The following TEP1 variants were observed in gnomAD, a reference collection of about 807,000 sequenced individuals.
TEP1 encodes telomerase protein component 1.
A neutral mutation model predicts 306.3 loss-of-function variants in TEP1; 241 were observed. The ratio of observed to expected loss-of-function variants is 0.79; its 90% CI spans 0.71 to 0.88. The LOEUF (loss-of-function observed/expected upper bound fraction) is 0.88. TEP1 is among the 40% of genes least tolerant of loss of function. The pLI is 0.00. For missense variants in TEP1, 3,051 were observed against 3,276.1 expected, an observed-to-expected ratio of 0.93 and a Z score of 1.68; for synonymous variants, 1,289 against 1,305.5, an observed-to-expected ratio of 0.99 and a Z score of 0.27.
At position 20,384,093 on chromosome 14, in the gene TEP1, T is replaced by C. The variant is rs762436649; in HGVS notation, c.3479A>G (p.His1160Arg). 6.2e-7 allele frequency: 1 copy of C among 1,613,842 alleles called. No homozygotes were observed. Among genetic ancestry groups the C allele is most frequent in the South Asian group, 1.1e-5 (1 of 91,070 alleles). ...QDTVQRLMLP[H>R]GRLSLVTGQS... ...CCCCGTCACCAGGCTCAGCCTTCCG[T>C]GGGGCAGCATCAGCCGTTGCACTGT... Residue 1160 changes from histidine to arginine, a missense_variant, in exon 24 of 55, where the codon CAC becomes CGC. His to Arg is a conservative substitution (Grantham distance 29). Transcript: ENST00000262715.
intron 41 of TEP1, 137 bp downstream of exon 41, chr14:20,377,143 A>G: frequency 1.5e-6 from 1 of 671,428 alleles, no homozygotes; most frequent in East Asian, 2.8e-5. Context: ...TGAACCCAGG[A>G]GGCAGAAGTT....
At chr14:20,401,236 C>T (rs559092923) in intron 8 of TEP1, 95 bp from the exon 9 acceptor site, 2 of 1,449,940 alleles carry the variant, frequency 1.4e-6, no homozygotes, top group Admixed American at 2.4e-5. Flanking sequence ...GGCATGTCTG[C>T]CCAAATATGC....
At chr14:20,390,600 C>T in intron 15 of TEP1, 81 bp downstream of exon 15, 1 of 1,414,980 alleles carries the variant, frequency 7.1e-7, no homozygotes, top group Non-Finnish European at 1.0e-6. Context: ...GAAGTCAGCT[C>T]TAAAGGTCAA....
intron 1 of TEP1, among the ~76,000 whole-genome samples, chr14:20,409,773 C>T (rs1317812373): frequency 6.6e-6 from 1 of 152,052 alleles, no homozygotes; most frequent in Admixed American, 6.5e-5. Context: ...GTAATCCCAG[C>T]ACTTTGGGAG....
intron 17 of TEP1, 63 bp downstream of exon 17, chr14:20,389,175 A>T: frequency 6.9e-7 from 1 of 1,443,406 alleles, no homozygotes; most frequent in Admixed American, 1.7e-5. Flanking sequence ...ACTGGAGTAG[A>T]GATAATCTCC....
intron 2 of TEP1, 141 bp from the exon 3 acceptor site, chr14:20,406,541 C>T: frequency 3.6e-6 from 3 of 842,110 alleles, no homozygotes; most frequent in Non-Finnish European, 5.7e-6. Context: ...CCTTCACACA[C>T]CAGCACTGAT....
rs1325262616 is a variant in TEP1, at chr14:20,404,701, G to C, written c.942C>G (p.Phe314Leu). ...VANNILAIAA[F>L]LPACRPHLRR... The stretch of plus-strand genomic sequence containing the variant: ...GCAGGTGGGGGCGACACGCCGGCAA[G>C]AAAGCAGCAATGGCCAAGATGTTAT... Residue 314 changes from phenylalanine to leucine, a missense_variant, in exon 5 of 55, where the codon TTC becomes TTG. Physicochemically the swap from Phe to Leu is conservative, Grantham distance 22 (BLOSUM62 0). Around this residue, in one of 3 missense-constraint regions of TEP1, gnomAD observed 1,507 missense variants for 1,550.5 expected, o/e 0.97. Coordinates refer to ENST00000262715, the MANE Select transcript of TEP1 (RefSeq NM_007110.5). 1 of 1,614,100 alleles carries C rather than the reference G, an allele frequency of 6.2e-7. No individual in the cohort carries two copies. The highest frequency in any genetic ancestry group is 1.3e-5 in the African/African-American group (1 of 74,958).
intron 47 of TEP1, 36 bp from the exon 48 acceptor site, chr14:20,373,183 G>T (rs1884958781): frequency 3.7e-6 from 6 of 1,613,792 alleles, no homozygotes; most frequent in Non-Finnish European, 5.1e-6. Flanking sequence ...TAGGAGCTGG[G>T]ATACTGCTGG....
In TEP1 at chr14:20,378,456, T is replaced by C; in HGVS notation, c.5432A>G (p.Glu1811Gly). ...KSLNCVAFHP[E>G]GQVIATGSWA... The stretch of plus-strand genomic sequence containing the variant: ...GCTGCCTGTGGCTATTACCTGCCCC[T>C]CTGGGTGGAAGGCAACACAGTTCAG... The change falls in exon 38 of 55, where the codon GAG becomes GGG. Residue 1811 changes from glutamate (E) to glycine (G), a missense_variant. Coordinates refer to ENST00000262715, the MANE Select transcript of TEP1 (RefSeq NM_007110.5). 1.2e-6 allele frequency: 2 copies of C among 1,614,134 alleles called. No homozygotes were observed. The highest frequency in any genetic ancestry group is 2.2e-5 in the East Asian group (1 of 44,884).
chr14:20,381,079 G>C lies in TEP1; in HGVS notation c.4648-34C>G, dbSNP rs746880272. The C allele has an allele frequency of 1.3e-6, 2 of 1,560,618 alleles. No homozygotes were observed. The highest frequency in any genetic ancestry group is 1.8e-6 in the Non-Finnish European group (2 of 1,131,574). On this transcript the variant is annotated intron_variant, in intron 32 of 54. Coordinates refer to ENST00000262715, the MANE Select transcript of TEP1 (RefSeq NM_007110.5). This position sits in a 1 kb window ranked among gnomAD's most constrained non-coding sequence, Gnocchi z 4.0. ...GTCAGATTGAATTCATTAGGGATAT[G>C]AAGGGGCTGGTGAGAAGGGACAGTT...
chr14:20,391,992 G>A (rs183461821), intron 12 of TEP1, among the ~76,000 whole-genome samples: 45 of 152,224 alleles, frequency 3.0e-4, no homozygotes, highest in African/African-American at 1.0e-3. Context: ...GGTAGGAGAG[G>A]GGAAGTCACC....
At position 20,382,129 on chromosome 14, in the gene TEP1, G is replaced by A. The variant is rs1594338274; in HGVS notation, c.4274-66C>T. 13 of 1,610,656 alleles carry A rather than the reference G, an allele frequency of 8.1e-6. No homozygotes were observed. In the East Asian group the frequency reaches 2.9e-4, roughly 36 times the overall value. On this transcript the variant is annotated intron_variant, in intron 29 of 54. Transcript: ENST00000262715. ...GGTGTCCCCGCCCCCACCACACCCA[G>A]TCTCTCCTTGAACTGCCTGCTGAGA...
At position 20,379,095 on chromosome 14, in the gene TEP1, G is replaced by A. The variant is rs776112016; in HGVS notation, c.5138C>T (p.Ser1713Phe). The part of the protein sequence containing the change: ...LDLRTWQEEK[S>F]VVSGCDGISA... The stretch of plus-strand genomic sequence containing the variant: ...GATTCCATCACAGCCACTCACCACA[G>A]ACTTCTCCTCCTGCGACAGTGGGTG... Residue 1713 changes from serine (S) to phenylalanine (F), a missense_variant, in exon 36 of 55, where the codon TCT (serine) becomes TTT (phenylalanine). Ser to Phe is a radical substitution (Grantham distance 155, BLOSUM62 -2). Around this residue, in one of 3 missense-constraint regions of TEP1, gnomAD observed 1,540 missense variants for 1,705.9 expected, o/e 0.90. Coordinates refer to ENST00000262715, the MANE Select transcript of TEP1 (RefSeq NM_007110.5). The A allele has an allele frequency of 6.2e-7, 1 of 1,614,132 alleles. No homozygotes were observed. The highest frequency in any genetic ancestry group is 2.2e-5 in the East Asian group (1 of 44,878).
rs61996763 is a variant in TEP1, at chr14:20,386,189, C to T, written c.2868G>A (p.Leu956=). The T allele has an allele frequency of 1.2e-6, 2 of 1,614,000 alleles. No homozygotes were observed. The highest frequency in any genetic ancestry group is 2.2e-5 in the South Asian group (2 of 91,042). ...TEEETRRNRQ[L]EVCLGEVENA... The stretch of plus-strand genomic sequence containing the variant: ...TCTCCACCTCCCCAAGGCACACTTC[C>T]AGTTGTCTGTAGGCATGATGATAGG... Residue 956 remains leucine (L), a synonymous_variant, in exon 20 of 55, where the codon CTG becomes CTA. Coordinates refer to ENST00000262715, the MANE Select transcript of TEP1 (RefSeq NM_007110.5).
At chr14:20,404,577 T>C (rs1566482397) in intron 5 of TEP1, 34 bp downstream of exon 5, 1 of 1,590,598 alleles carries the variant, frequency 6.3e-7, no homozygotes, top group Admixed American at 1.8e-5. Context: ...AGGAATGAAG[T>C]GAAGGCCCAA....
chr14:20,375,835 T>G lies in TEP1; in HGVS notation c.6283A>C (p.Thr2095Pro), dbSNP rs548373439. Residue 2095 changes from threonine (T) to proline (P), a missense_variant, in exon 43 of 55, where the codon ACC (threonine) becomes CCC (proline). Physicochemically the swap from Thr to Pro is conservative, Grantham distance 38. Coordinates refer to ENST00000262715, the MANE Select transcript of TEP1 (RefSeq NM_007110.5). ...LLCWDVRTPK[T>P]PVLIHSFPAC... ...GGGAAGGAGTGGATCAAAACAGGGG[T>G]TTTGGGTGTCCTCACGTCCCAGCAG... 1 of 1,612,680 alleles carries G rather than the reference T, an allele frequency of 6.2e-7. No homozygotes were observed. Among genetic ancestry groups the G allele is most frequent in the Non-Finnish European group, 8.5e-7 (1 of 1,179,600 alleles).
At position 20,382,076 on chromosome 14, in the gene TEP1, G is replaced by A; in HGVS notation, c.4274-13C>T. 1 of 1,613,850 alleles carries A rather than the reference G, an allele frequency of 6.2e-7. No individual in the cohort carries two copies. The highest frequency in any genetic ancestry group is 8.5e-7 in the Non-Finnish European group (1 of 1,179,870). ...TCCACAGTCAAACCTGAAAACTCAA[G>A]CTCTCTGAGGCCCTCATCTAACCAT... On this transcript the variant is annotated splice_polypyrimidine_tract_variant and intron_variant, in intron 29 of 54. Transcript: ENST00000262715.
In TEP1 at chr14:20,373,528, T is replaced by C; in HGVS notation, c.6660A>G (p.Thr2220=). The part of the protein sequence containing the change: ...LVVTVGLDGA[T]RLWHPLLVCQ... ...TCACCAAGAGTGGATGCCATAACCG[T>C]GTGGCCCCATCTAGCCCGACGGTTA... The change falls in exon 46 of 55, where the codon ACA becomes ACG. Residue 2220 remains threonine, a synonymous_variant. Transcript: ENST00000262715. The C allele has an allele frequency of 6.2e-7, 1 of 1,614,190 alleles. No individual in the cohort carries two copies. The highest frequency in any genetic ancestry group is 8.5e-7 in the Non-Finnish European group (1 of 1,180,012).
chr14:20,369,286 G>T (rs1884674603), intron 53 of TEP1, 58 bp downstream of exon 53: 2 of 1,571,162 alleles, frequency 1.3e-6, no homozygotes, highest in Middle Eastern at 3.4e-4. Flanking sequence ...GGGATTATAG[G>T]TGTGAGCCAC....
Sources: allele counts gnomAD v4.1 joint callset (sites outside exome capture counted in the v4.1 genomes callset), GRCh38; gene constraint gnomAD v4.1.1; regional missense constraint gnomAD v4.1.1; non-coding constraint Gnocchi (gnomAD v3.1); transcripts MANE v1.5; gene names NCBI Gene and HGNC (gene_info 2026-07-23, HGNC 2026-07-21).